Variants in ZNF727 observed in about 807,000 individuals in gnomAD.
ZNF727 encodes the protein zinc finger protein 727.
Under a neutral mutation model 11.5 loss-of-function variants are expected in ZNF727, and 11 were observed. The observed-to-expected ratio is 0.95, with a 90% CI of 0.60 to 1.58. The LOEUF (loss-of-function observed/expected upper bound fraction) is 1.58. Ranked by LOEUF, ZNF727 falls within the 40% of genes most tolerant of loss-of-function variation. The pLI is 0.00. For synonymous variants in ZNF727, 171 were observed against 196.1 expected (o/e 0.87, Z 1.07); for missense variants, 533 against 581.7 (o/e 0.92, Z 0.86).
Position 64,077,522 on chromosome 7 carries a change from C to A in ZNF727, c.473C>A (p.Ser158Ter). The A allele has an allele frequency of 6.4e-7, 1 of 1,551,384 alleles. No individual in the cohort carries two copies. Among genetic ancestry groups the A allele is most frequent in the South Asian group, 1.2e-5 (1 of 84,030 alleles). ...NKCGKAFGLC[S>*]IFTEHKKIFS... ...TGTGGCAAAGCTTTTGGGTTGTGCT[C>A]AATCTTCACTGAACATAAGAAAATT... The change falls in exon 4 of 4, where the codon TCA becomes TAA. Residue 158 changes from serine (S) to a stop codon, truncating the protein, a stop_gained. Coordinates refer to ENST00000456806, the MANE Select transcript of ZNF727 (RefSeq NM_001159522.3). LOFTEE classifies it low-confidence loss of function (END_TRUNC).
intron 1 of ZNF727, among the ~76,000 whole-genome samples, chr7:64,067,078 G>A (rs1421106082): frequency 6.6e-6 from 1 of 152,116 alleles, no homozygotes; most frequent in African/African-American, 2.4e-5. Context: ...CCATCAAAAA[G>A]TGGGCAAAGG....
intron 1 of ZNF727, among the ~76,000 whole-genome samples, chr7:64,068,374 T>C (rs1334543887): frequency 6.6e-6 from 1 of 152,116 alleles, no homozygotes; most frequent in African/African-American, 2.4e-5. Context: ...AAACCTAGGC[T>C]GTGCCACTTA....
At position 64,078,166 on chromosome 7, in the gene ZNF727, T is replaced by C. The variant is rs199542879; in HGVS notation, c.1117T>C (p.Cys373Arg). Residue 373 changes from cysteine (C) to arginine (R), a missense_variant, in exon 4 of 4, where the codon TGT becomes CGT. Cys to Arg is a radical substitution (Grantham distance 180). This residue lies in a region of ZNF727 where 463 missense variants were observed against 494.5 expected (regional missense o/e 0.94). Transcript: ENST00000456806. Reference sequence around the variant, plus strand: ...ATTGAGACCTTACAAATGTGAAGAATGTGGCAAAACCTTTAAGTGGTTCTC... The same window carrying C: ...ATTGAGACCTTACAAATGTGAAGAACGTGGCAAAACCTTTAAGTGGTTCTC... ...MELRPYKCEE[C>R]GKTFKWFSDL... 10,326 of 1,596,532 alleles carry C rather than the reference T, an allele frequency of 6.5e-3. 55 individuals carry two copies. Among genetic ancestry groups the C allele is most frequent in the Non-Finnish European group, 8.1e-3 (9,428 of 1,170,920 alleles).
intron 1 of ZNF727, among the ~76,000 whole-genome samples, chr7:64,047,476 C>T (rs1312364824): frequency 6.6e-6 from 1 of 152,182 alleles, no homozygotes; most frequent in Non-Finnish European, 1.5e-5. Flanking sequence ...CCCAGCATGT[C>T]TTTGGATCCT....
In ZNF727 at chr7:64,062,467, G is replaced by A. The variant is rs561755001; in HGVS notation, c.4-6424G>A. On this transcript the variant is annotated intron_variant, in intron 1 of 3. Coordinates refer to ENST00000456806, the MANE Select transcript of ZNF727 (RefSeq NM_001159522.3). ...TCTAGGATAAAAGTTTTTTCCTTCA[G>A]TACATTAAGTATGTCATGTCACCAT... 1.6e-3 allele frequency among the ~76,000 whole-genome samples: 241 copies of A among 151,556 alleles called. 2 individuals are homozygous for A. The highest frequency in any genetic ancestry group is 5.6e-3 in the African/African-American group (232 of 41,372).
intron 1 of ZNF727, among the ~76,000 whole-genome samples, chr7:64,062,587 C>A (rs1264909210): frequency 6.7e-6 from 1 of 149,008 alleles, no homozygotes; most frequent in Non-Finnish European, 1.5e-5. Context: ...CTTTTAGAAA[C>A]CTTTATCTTT....
chr7:64,058,950 C>CTTTTTTTTTTTTTTTTTTTT lies in ZNF727; in HGVS notation c.4-9929_4-9928insTTTTTTTTTTTTTTTTTTTT, dbSNP rs560995822. On this transcript the variant is annotated intron_variant, in intron 1 of 3. Transcript: ENST00000456806. ...CTATTGCTTATGGCTATTGCATTGT[C>CTTTTTTTTTTTTTTTTTTTT]TTTTTTTTTTTTGAGACGGAGTCTC... Among the ~76,000 whole-genome samples, 54 of 145,344 alleles carry CTTTTTTTTTTTTTTTTTTTT rather than the reference C, an allele frequency of 3.7e-4. 2 individuals are homozygous for CTTTTTTTTTTTTTTTTTTTT. In the East Asian group the frequency reaches 4.2e-3, roughly 11 times the overall value.
chr7:64,074,012 A>G (rs184673496), intron 3 of ZNF727, among the ~76,000 whole-genome samples: 1 of 152,274 alleles, frequency 6.6e-6, no homozygotes, highest in Non-Finnish European at 1.5e-5. Context: ...TGAGGGTAGT[A>G]CTGGGAGTTG....
intron 1 of ZNF727, among the ~76,000 whole-genome samples, chr7:64,046,328 G>T (rs1426843898): frequency 1.3e-5 from 2 of 152,154 alleles, no homozygotes; most frequent in Non-Finnish European, 2.9e-5. Context: ...CACTGTCGTA[G>T]CCTAAATTGA....
intron 3 of ZNF727, among the ~76,000 whole-genome samples, chr7:64,073,572 A>G (rs1789996529): frequency 6.6e-6 from 1 of 151,894 alleles, no homozygotes; most frequent in South Asian, 2.1e-4. Context: ...TTATTTCTTT[A>G]AGTGGGGTAC....
At chr7:64,053,031 G>A (rs1294172722) in intron 1 of ZNF727, among the ~76,000 whole-genome samples, 1 of 152,178 alleles carries the variant, frequency 6.6e-6, no homozygotes, top group Non-Finnish European at 1.5e-5. Context: ...TGTCTTGGAT[G>A]AGACTTTGGA....
At chr7:64,048,934 G>T (rs1006466748) in intron 1 of ZNF727, among the ~76,000 whole-genome samples, 1 of 152,122 alleles carries the variant, frequency 6.6e-6, no homozygotes, top group African/African-American at 2.4e-5. Flanking sequence ...AAGTTAGAGA[G>T]AATTTGTCCA....
chr7:64,078,221 C>A lies in ZNF727; in HGVS notation c.1172C>A (p.Thr391Asn), dbSNP rs1450293236. ...SDLTNHKRIH[T>N]GEKPYKCEEC... ...CTGACTAATCATAAGAGAATTCACA[C>A]TGGAGAGAAACCCTACAAATGTGAA... is the stretch of plus-strand genomic sequence containing the variant. The change falls in exon 4 of 4, where the codon ACT becomes AAT. Residue 391 changes from threonine (T) to asparagine (N), a missense_variant. This residue lies in a region of ZNF727 where 463 missense variants were observed against 494.5 expected (regional missense o/e 0.94). Coordinates refer to ENST00000456806, the MANE Select transcript of ZNF727 (RefSeq NM_001159522.3). 3 of 1,606,336 alleles carry A rather than the reference C, an allele frequency of 1.9e-6. No homozygotes were observed. In the African/African-American group the frequency reaches 4.0e-5, roughly 22 times the overall value.
At chr7:64,047,412 A>G (rs1789525634) in intron 1 of ZNF727, among the ~76,000 whole-genome samples, 1 of 152,210 alleles carries the variant, frequency 6.6e-6, no homozygotes, top group Non-Finnish European at 1.5e-5. Context: ...AGCAGAGAGT[A>G]ATCACCTGAC....
chr7:64,078,345 C>G lies in ZNF727; in HGVS notation c.1296C>G (p.Thr432=). 1.3e-6 allele frequency: 2 copies of G among 1,577,206 alleles called. No homozygotes were observed. Among genetic ancestry groups the G allele is most frequent in the Non-Finnish European group, 1.7e-6 (2 of 1,161,224 alleles). ...RPYKCEECGK[T]FKWFPDLTNH... is the part of the protein sequence containing the mutation. The stretch of plus-strand genomic sequence containing the variant: ...ACAAATGTGAAGAATGTGGCAAAAC[C>G]TTTAAGTGGTTCCCAGACCTGACTA... Residue 432 remains threonine, a synonymous_variant, in exon 4 of 4, where the codon ACC becomes ACG. Transcript: ENST00000456806.
intron 1 of ZNF727, among the ~76,000 whole-genome samples, chr7:64,054,094 AT>A (rs1789645092): frequency 6.6e-6 from 1 of 152,194 alleles, no homozygotes; most frequent in Non-Finnish European, 1.5e-5. Context: ...GAATTAGTAT[AT>A]GCAGAGGCTC....
In ZNF727 at chr7:64,083,467, A is replaced by G. The variant is rs1360200887; in HGVS notation, c.*4918A>G. 6.6e-6 allele frequency among the ~76,000 whole-genome samples: 1 copy of G among 152,192 alleles called. No homozygotes were observed. Among genetic ancestry groups the G allele is most frequent in the Non-Finnish European group, 1.5e-5 (1 of 68,030 alleles). ...TTTCGCCTCTTGCCTATGGGTATGT[A>G]CAAGGTTATAACCTCCTGTTTGCTG... On this transcript the variant is annotated 3_prime_UTR_variant, in exon 4 of 4. Transcript: ENST00000456806.
chr7:64,066,586 A>G (rs1362790083), intron 1 of ZNF727, among the ~76,000 whole-genome samples: 1 of 152,194 alleles, frequency 6.6e-6, no homozygotes, highest in Non-Finnish European at 1.5e-5. Flanking sequence ...TGCTGGGAAA[A>G]CTGTCTCGCC....
At chr7:64,051,296 A>T (rs1285098881) in intron 1 of ZNF727, among the ~76,000 whole-genome samples, 2 of 152,196 alleles carry the variant, frequency 1.3e-5, no homozygotes, top group Non-Finnish European at 2.9e-5. Context: ...AGAACAAAAA[A>T]AATTGTAGCT....
Sources: allele counts gnomAD v4.1 joint callset (sites outside exome capture counted in the v4.1 genomes callset), GRCh38; gene constraint gnomAD v4.1.1; regional missense constraint gnomAD v4.1.1; transcripts MANE v1.5; gene names NCBI Gene and HGNC (gene_info 2026-07-23, HGNC 2026-07-21).